Variants in DPH6 observed in about 807,000 individuals in gnomAD.
DPH6 encodes diphthamine biosynthesis 6, also known as diphthine--ammonia ligase.
DPH6 carries 33 observed loss-of-function variants against 38.2 expected under a neutral mutation model. The ratio of observed to expected loss-of-function variants is 0.86; its 90% CI spans 0.65 to 1.15. The LOEUF is 1.15. Among genes scored for constraint, DPH6 ranks in the 50% most tolerant of loss-of-function variants. DPH6 has a pLI of 0.00. For missense variants in DPH6, 325 were observed against 320.0 expected, an observed-to-expected ratio of 1.02 and a Z score of -0.12; for synonymous variants, 108 against 103.0, an observed-to-expected ratio of 1.05 and a Z score of -0.30.
At chr15:35,446,229 C>CTTTTTTTTTTTTTTTT (rs71123132) in intron 5 of DPH6, among the ~76,000 whole-genome samples, 3 of 95,026 alleles carry the variant, frequency 3.2e-5, no homozygotes, top group African/African-American at 8.5e-5. Context: ...TTTTTTTTTC[C>CTTTTTTTTTTTTTTTT]TTTTTTTTTT....
chr15:35,471,286 A>T lies in DPH6; in HGVS notation c.313-16466T>A, dbSNP rs146861861. ...CTCTCTCCACTCTCTCTGGGTGCTT[A>T]TCTGATGCCAGAGAGATGTTGGAAC... On this transcript the variant is annotated intron_variant, in intron 3 of 8. Transcript: ENST00000256538. Among the ~76,000 whole-genome samples, 284 of 152,282 alleles carry T rather than the reference A, an allele frequency of 1.9e-3. 5 individuals carry two copies. The highest frequency in any genetic ancestry group is 0.014 in the Middle Eastern group (4 of 294).
chr15:35,542,303 T>A, intron 2 of DPH6, 110 bp downstream of exon 2: 2 of 884,062 alleles, frequency 2.3e-6, no homozygotes, highest in Non-Finnish European at 3.4e-6. Flanking sequence ...GGGTGCTTAA[T>A]ATTTATTGGT....
intron 3 of DPH6, among the ~76,000 whole-genome samples, chr15:35,465,313 G>A (rs1044786079): frequency 3.9e-5 from 6 of 152,066 alleles, no homozygotes; most frequent in South Asian, 2.1e-4. Flanking sequence ...TTTTTAATAC[G>A]AACCATTCAT....
At chr15:35,468,841 GT>G (rs1467238323) in intron 3 of DPH6, among the ~76,000 whole-genome samples, 5 of 152,152 alleles carry the variant, frequency 3.3e-5, no homozygotes, top group East Asian at 3.9e-4. Context: ...GCTGAGGCAG[GT>G]GGATCAACAG....
chr15:35,228,315 G>A (rs1245889377), intron 3 of DPH6, among the ~76,000 whole-genome samples: 1 of 152,186 alleles, frequency 6.6e-6, no homozygotes, highest in Non-Finnish European at 1.5e-5. Flanking sequence ...CATTATTTTA[G>A]ATTGGTTCAT....
chr15:35,516,974 C>T (rs1292722434), intron 3 of DPH6, among the ~76,000 whole-genome samples: 1 of 152,110 alleles, frequency 6.6e-6, no homozygotes, highest in African/African-American at 2.4e-5. Context: ...TTTTGCCACA[C>T]ATTTCTTTCA....
At chr15:35,397,892 C>T (rs952550192) in intron 6 of DPH6, among the ~76,000 whole-genome samples, 2 of 151,560 alleles carry the variant, frequency 1.3e-5, no homozygotes, top group Non-Finnish European at 2.9e-5. Flanking sequence ...CACACACACA[C>T]ACACACACAC....
intron 3 of DPH6, among the ~76,000 whole-genome samples, chr15:35,251,827 C>A (rs2051676876): frequency 6.6e-6 from 1 of 152,228 alleles, no homozygotes; most frequent in Non-Finnish European, 1.5e-5. Flanking sequence ...GATAACAACA[C>A]TAACCATGTT....
intron 3 of DPH6, among the ~76,000 whole-genome samples, chr15:35,279,212 C>A (rs1036775543): frequency 3.3e-5 from 5 of 151,800 alleles, no homozygotes; most frequent in African/African-American, 1.2e-4. Flanking sequence ...AGTGCACCAC[C>A]ATTGTATCTT....
At chr15:35,195,365 G>C in the DPH6 span, among the ~76,000 whole-genome samples, 3 of 152,130 alleles carry the variant, frequency 2.0e-5, no homozygotes, top group Admixed American at 6.5e-5. Context: ...CAAATAAGAA[G>C]CACTTACTAG....
chr15:35,543,288 A>ATG (rs1368476850), intron 1 of DPH6, among the ~76,000 whole-genome samples: 1 of 60,714 alleles, frequency 1.6e-5, no homozygotes, highest in Non-Finnish European at 4.2e-5. Flanking sequence ...ATATATATAT[A>ATG]TATATATATA....
Position 35,371,510 on chromosome 15 carries a change from A to G in DPH6, c.*640T>C. On this transcript the variant is annotated 3_prime_UTR_variant, in exon 9 of 9. Transcript: ENST00000256538. ...CTGCTCCATTTTTGCTGTGAACCTAAAACTGTTCTAAAACATAAAGTCTAT... is the reference window on the plus strand; with the variant it reads ...CTGCTCCATTTTTGCTGTGAACCTAGAACTGTTCTAAAACATAAAGTCTAT... 1.1e-6 allele frequency: 1 copy of G among 911,808 alleles called. No homozygotes were observed. The highest frequency in any genetic ancestry group is 1.3e-6 in the Non-Finnish European group (1 of 763,114). The allele number at this position is 911,808 out of a possible 1,614,324, so 56.5% of individuals were successfully genotyped here.
At position 35,403,356 on chromosome 15, in the gene DPH6, T is replaced by C. The variant is rs181854286; in HGVS notation, c.567+7479A>G. 2.1e-3 allele frequency among the ~76,000 whole-genome samples: 327 copies of C among 152,234 alleles called. 4 individuals are homozygous for C. The highest frequency in any genetic ancestry group is 3.9e-4 in the East Asian group (2 of 5,168). ...GGTACATAGTAGGTATATATATATA[T>C]ATGGAGTATCAGTATCCATCTGCTC... On this transcript the variant is annotated intron_variant, in intron 6 of 8. Transcript: ENST00000256538.
In DPH6 at chr15:35,505,164, T is replaced by C. The variant is rs569415496; in HGVS notation, c.312+33110A>G. 2.6e-5 allele frequency among the ~76,000 whole-genome samples: 4 copies of C among 152,164 alleles called. No individual in the cohort carries two copies. In the South Asian group the frequency reaches 8.3e-4, roughly 32 times the overall value. On this transcript the variant is annotated intron_variant, in intron 3 of 8. Transcript: ENST00000256538. The stretch of plus-strand genomic sequence containing the variant: ...TGTTCAACTGCGTATAAGTGTTAGG[T>C]AGATTGAAGCTGTTTCAGCTTCAAG...
intron 3 of DPH6, among the ~76,000 whole-genome samples, chr15:35,523,744 T>C (rs1245285468): frequency 2.0e-5 from 3 of 152,140 alleles, no homozygotes; most frequent in Admixed American, 6.6e-5. Context: ...ACTGTAACTA[T>C]GGATGACAGA....
intron 3 of DPH6, among the ~76,000 whole-genome samples, chr15:35,230,939 CTA>C (rs1454333240): frequency 6.6e-6 from 1 of 152,194 alleles, no homozygotes; most frequent in African/African-American, 2.4e-5. Flanking sequence ...GAAGAGGTCT[CTA>C]TTGGATCTGT....
downstream of DPH6, among the ~76,000 whole-genome samples, chr15:35,326,773 T>C (rs947278678): frequency 1.3e-5 from 2 of 152,158 alleles, no homozygotes; most frequent in African/African-American, 4.8e-5. Flanking sequence ...ACTTGTGTTT[T>C]ATGTAGTATT....
At chr15:35,281,543 C>T (rs2051899593) in intron 3 of DPH6, among the ~76,000 whole-genome samples, 1 of 152,100 alleles carries the variant, frequency 6.6e-6, no homozygotes, top group Non-Finnish European at 1.5e-5. Flanking sequence ...GGAAGCCAGA[C>T]AACTCATTTT....
chr15:35,197,118 G>A, the DPH6 span, among the ~76,000 whole-genome samples: 219 of 152,224 alleles, frequency 1.4e-3, no homozygotes, highest in African/African-American at 4.8e-3. Context: ...CAAATTCACA[G>A]TAGAGCTTTG....
Sources: allele counts gnomAD v4.1 joint callset (sites outside exome capture counted in the v4.1 genomes callset), GRCh38; gene constraint gnomAD v4.1.1; transcripts MANE v1.5; gene names NCBI Gene and HGNC (gene_info 2026-07-23, HGNC 2026-07-21).